The following CSMD1 variants were observed in gnomAD, a reference collection of about 807,000 sequenced individuals.
CSMD1 encodes CUB and Sushi multiple domains 1.
Under a neutral mutation model 417.5 loss-of-function variants are expected in CSMD1, and 213 were observed. That is an observed-to-expected ratio of 0.51 (90% CI 0.46 to 0.57). The LOEUF (loss-of-function observed/expected upper bound fraction) is 0.57. Among genes scored for constraint, CSMD1 ranks in the 20% least tolerant of loss-of-function variants. The probability of loss-of-function intolerance (pLI) is 0.00; values close to 1 mark genes in which losing one functional copy is unlikely to be tolerated. For missense variants in CSMD1, 6,923 were observed against 4,529.7 expected (o/e 1.53, Z -15.17); for synonymous variants, 2,862 against 1,736.8 (o/e 1.65, Z -16.11).
intron 1 of CSMD1, among the ~76,000 whole-genome samples, chr8:4,828,580 G>A (rs191693125): frequency 6.6e-6 from 1 of 152,178 alleles, no homozygotes; most frequent in African/African-American, 2.4e-5. Context: ...AGACTGTTGT[G>A]CCTACCACCT....
chr8:3,841,349 T>G (rs1283039268), intron 5 of CSMD1, among the ~76,000 whole-genome samples: 1 of 152,220 alleles, frequency 6.6e-6, no homozygotes, highest in Non-Finnish European at 1.5e-5. Flanking sequence ...TTTGGACTTC[T>G]TTAACCATGC....
chr8:4,303,371 A>AATTT, intron 3 of CSMD1, among the ~76,000 whole-genome samples: 1 of 151,420 alleles, frequency 6.6e-6, no homozygotes, highest in South Asian at 2.1e-4. Flanking sequence ...ATCTTCAAAT[A>AATTT]ATTTATTAAT....
At chr8:3,101,803 T>TC (rs1432277294) in intron 46 of CSMD1, among the ~76,000 whole-genome samples, 1 of 139,058 alleles carries the variant, frequency 7.2e-6, no homozygotes, top group Non-Finnish European at 1.6e-5. Flanking sequence ...CTTTTTCTTT[T>TC]TTTTTTTTTT....
At position 4,243,482 on chromosome 8, in the gene CSMD1, C is replaced by G. The variant is rs73498565; in HGVS notation, c.415+176471G>C. 2.7e-3 allele frequency among the ~76,000 whole-genome samples: 413 copies of G among 152,180 alleles called. 3 individuals are homozygous for G. Among genetic ancestry groups the G allele is most frequent in the African/African-American group, 9.3e-3 (386 of 41,516 alleles). Reference sequence around the variant, plus strand: ...TCGGCTTCTAGCCAGTATGTCTACTCAAAACAGAAACTTTCTAATTTTAAA... The same window carrying G: ...TCGGCTTCTAGCCAGTATGTCTACTGAAAACAGAAACTTTCTAATTTTAAA... On this transcript the variant is annotated intron_variant, in intron 3 of 69. Coordinates refer to ENST00000635120, the MANE Select transcript of CSMD1 (RefSeq NM_033225.6).
chr8:4,311,706 A>C (rs552275507), intron 3 of CSMD1, among the ~76,000 whole-genome samples: 61 of 146,080 alleles, frequency 4.2e-4, no homozygotes, highest in African/African-American at 1.4e-3. Flanking sequence ...CTGGGCAACA[A>C]AGCAAGACTC....
chr8:3,668,039 C>G (rs1176480818), intron 7 of CSMD1, among the ~76,000 whole-genome samples: 1 of 152,174 alleles, frequency 6.6e-6, no homozygotes, highest in Non-Finnish European at 1.5e-5. Flanking sequence ...CCCCAGTCCC[C>G]ATCCCAAGGA....
chr8:4,463,191 C>T (rs1489560109), intron 2 of CSMD1, among the ~76,000 whole-genome samples: 2 of 152,160 alleles, frequency 1.3e-5, no homozygotes, highest in Non-Finnish European at 2.9e-5. Context: ...TAAAAATTCT[C>T]AGCATCCTTA....
intron 7 of CSMD1, among the ~76,000 whole-genome samples, chr8:3,675,932 A>C (rs10091095): frequency 0.16 from 23,842 of 152,162 alleles, 2,104 homozygotes; most frequent in South Asian, 0.22. Context: ...ATTGGAGAGT[A>C]ATGTACCTGA....
intron 7 of CSMD1, among the ~76,000 whole-genome samples, chr8:3,691,444 C>T (rs972841446): frequency 2.0e-5 from 3 of 152,136 alleles, no homozygotes; most frequent in Non-Finnish European, 2.9e-5. Flanking sequence ...AGAAGATTGG[C>T]GCTTCCTTTA....
intron 33 of CSMD1, among the ~76,000 whole-genome samples, chr8:3,199,370 C>T (rs1050342051): frequency 6.6e-6 from 1 of 151,856 alleles, no homozygotes; most frequent in Non-Finnish European, 1.5e-5. Context: ...TTACTAAGAT[C>T]TCAACTATTT....
At chr8:4,319,211 T>G (rs1175430552) in intron 3 of CSMD1, among the ~76,000 whole-genome samples, 3 of 152,346 alleles carry the variant, frequency 2.0e-5, no homozygotes, top group Admixed American at 2.0e-4. Flanking sequence ...CAGATTTTGA[T>G]GAAAAGTGAC....
chr8:3,194,804 T>A (rs17079582), intron 33 of CSMD1, among the ~76,000 whole-genome samples: 3 of 151,548 alleles, frequency 2.0e-5, no homozygotes, highest in Admixed American at 1.3e-4. Flanking sequence ...CTAAAGAGAC[T>A]GAGTCTTTCC....
chr8:4,478,344 TC>T (rs1270363164), intron 2 of CSMD1, among the ~76,000 whole-genome samples: 1 of 152,222 alleles, frequency 6.6e-6, no homozygotes, highest in Non-Finnish European at 1.5e-5. Context: ...TATTTTTACA[TC>T]TTCTAAGCTC....
At chr8:3,387,274 G>A (rs1472215574) in intron 18 of CSMD1, among the ~76,000 whole-genome samples, 3 of 152,180 alleles carry the variant, frequency 2.0e-5, no homozygotes, top group South Asian at 4.1e-4. Flanking sequence ...TTCATTCGGG[G>A]ATAAAGTTGA....
intron 3 of CSMD1, among the ~76,000 whole-genome samples, chr8:4,206,772 C>A (rs1007776553): frequency 6.6e-6 from 1 of 152,096 alleles, no homozygotes; most frequent in Non-Finnish European, 1.5e-5. Flanking sequence ...CATATCATTT[C>A]TTTAAATGGT....
chr8:4,634,122 C>T (rs1452314051), intron 2 of CSMD1, among the ~76,000 whole-genome samples: 2 of 151,910 alleles, frequency 1.3e-5, no homozygotes, highest in African/African-American at 4.8e-5. Flanking sequence ...TTTCAGCTCT[C>T]AATATCCACA....
chr8:4,289,018 C>T (rs186065828), intron 3 of CSMD1, among the ~76,000 whole-genome samples: 1 of 152,124 alleles, frequency 6.6e-6, no homozygotes, highest in Non-Finnish European at 1.5e-5. Flanking sequence ...TTCAAGCTAT[C>T]TGTTCAAGCA....
chr8:4,522,079 T>C (rs1803482902), intron 2 of CSMD1, among the ~76,000 whole-genome samples: 1 of 152,166 alleles, frequency 6.6e-6, no homozygotes, highest in South Asian at 2.1e-4. Flanking sequence ...TCTAGAATTG[T>C]AGCTCCCATG....
intron 5 of CSMD1, among the ~76,000 whole-genome samples, chr8:3,946,879 A>G (rs908413166): frequency 2.6e-5 from 4 of 152,082 alleles, no homozygotes; most frequent in African/African-American, 9.7e-5. Flanking sequence ...GCTTGTATCG[A>G]TTTATATTGT....
Sources: allele counts gnomAD v4.1 joint callset (sites outside exome capture counted in the v4.1 genomes callset), GRCh38; gene constraint gnomAD v4.1.1; transcripts MANE v1.5; gene names NCBI Gene and HGNC (gene_info 2026-07-23, HGNC 2026-07-21).